Variants in TP63 observed in about 807,000 individuals in gnomAD.
The protein encoded by TP63 is tumor protein 63.
A neutral mutation model predicts 82.8 loss-of-function variants in TP63; 17 were observed. That is an observed-to-expected ratio of 0.21 (90% CI 0.14 to 0.31). TP63 has a LOEUF of 0.31. Ranked by LOEUF, TP63 falls within the 10% of genes least tolerant of loss-of-function variation. The pLI is 1.00. For missense variants in TP63, 648 were observed against 895.3 expected (o/e 0.72, Z 3.52); for synonymous variants, 330 against 321.7 (o/e 1.03, Z -0.28).
chr3:189,694,633 TA>T (rs1300427233), intron 1 of TP63, among the ~76,000 whole-genome samples: 1 of 151,948 alleles, frequency 6.6e-6, no homozygotes, highest in Non-Finnish European at 1.5e-5. Context: ...CAACACATTA[TA>T]TTAAGGGTAC....
intron 3 of TP63, among the ~76,000 whole-genome samples, chr3:189,780,421 G>A (rs1180817341): frequency 3.3e-5 from 5 of 152,116 alleles, no homozygotes; most frequent in African/African-American, 1.2e-4. Context: ...TGATCATTAG[G>A]TTCTTATCAA....
intron 1 of TP63, among the ~76,000 whole-genome samples, chr3:189,703,449 T>TAGATAGATAGATAGAC: frequency 6.6e-6 from 1 of 151,776 alleles, no homozygotes; most frequent in East Asian, 1.9e-4. Flanking sequence ...GATAGATAGA[T>TAGATAGATAGATAGAC]AGATAGATAG....
At chr3:189,728,953 G>T (rs1410099120) in intron 1 of TP63, among the ~76,000 whole-genome samples, 1 of 152,112 alleles carries the variant, frequency 6.6e-6, no homozygotes, top group Non-Finnish European at 1.5e-5. Flanking sequence ...TAAACAATTT[G>T]TAAGGAGGGT....
chr3:189,792,544 A>G (rs1297249956), intron 3 of TP63, among the ~76,000 whole-genome samples: 1 of 152,120 alleles, frequency 6.6e-6, no homozygotes, highest in Non-Finnish European at 1.5e-5. Flanking sequence ...GTTTTAGATG[A>G]TGAAGGAAAG....
At chr3:189,828,309 G>A (rs777005907) in intron 4 of TP63, among the ~76,000 whole-genome samples, 7 of 151,702 alleles carry the variant, frequency 4.6e-5, no homozygotes, top group Non-Finnish European at 1.0e-4. Flanking sequence ...GAAAGGAGGT[G>A]AGTGTGGGGT....
intron 1 of TP63, among the ~76,000 whole-genome samples, chr3:189,724,883 G>C (rs879621208): frequency 2.6e-5 from 4 of 152,174 alleles, no homozygotes; most frequent in Admixed American, 2.6e-4. Context: ...GTGGATGGGG[G>C]TACGGGAGAG....
intron 1 of TP63, among the ~76,000 whole-genome samples, chr3:189,634,140 A>G (rs1485510632): frequency 6.6e-6 from 1 of 151,974 alleles, no homozygotes; most frequent in African/African-American, 2.4e-5. Flanking sequence ...TAAGCAGACA[A>G]CCGTTGTAGT....
chr3:189,881,016 C>T, intron 10 of TP63: 8 of 985,348 alleles, frequency 8.1e-6, no homozygotes, highest in Non-Finnish European at 9.6e-6. Context: ...AGTAATATTG[C>T]CCTTACGTAG....
upstream of TP63, among the ~76,000 whole-genome samples, chr3:189,629,251 G>T (rs928785604): frequency 6.6e-6 from 1 of 151,988 alleles, no homozygotes; most frequent in Non-Finnish European, 1.5e-5. Flanking sequence ...GGGTATGGTT[G>T]TGCTCACCTG....
chr3:189,615,497 CTCTTTTCCTGCTTTGGCACAT>C, the TP63 span, among the ~76,000 whole-genome samples: 1 of 152,238 alleles, frequency 6.6e-6, no homozygotes, highest in South Asian at 2.1e-4. Flanking sequence ...TGTGTTTGGT[CTCTTTTCCTGCTTTGGCACAT>C]ACCACATTAA....
At position 189,708,521 on chromosome 3, in the gene TP63, C is replaced by T. The variant is rs1577279203; in HGVS notation, c.63-29219C>T. Among the ~76,000 whole-genome samples the T allele has an allele frequency of 3.3e-5, 5 of 152,184 alleles. No homozygotes were observed. In the East Asian group the frequency reaches 9.6e-4, roughly 29 times the overall value. On this transcript the variant is annotated intron_variant, in intron 1 of 13. Coordinates refer to ENST00000264731, the MANE Select transcript of TP63 (RefSeq NM_003722.5). Reference sequence around the variant, plus strand: ...AATTTCTGAGGAAAACCTCAAATGACATGTCCTTACTGAGAGATGGCATGC... The same window carrying T: ...AATTTCTGAGGAAAACCTCAAATGATATGTCCTTACTGAGAGATGGCATGC...
rs1426885203 is a variant in TP63, at chr3:189,896,837, A to G, written c.*2335A>G. On this transcript the variant is annotated 3_prime_UTR_variant, in exon 14 of 14. Transcript: ENST00000264731. Reference sequence around the variant, plus strand: ...GGTAAGGGGTAAAAGGATAGTAAGCATAGAAACCACTAGAAAGTGGGCTTA... The same window carrying G: ...GGTAAGGGGTAAAAGGATAGTAAGCGTAGAAACCACTAGAAAGTGGGCTTA... 9.4e-6 allele frequency: 2 copies of G among 213,088 alleles called. No individual in the cohort carries two copies. The highest frequency in any genetic ancestry group is 1.9e-5 in the Non-Finnish European group (2 of 105,204). The allele number at this position is 213,088 out of a possible 1,614,324, so 13.2% of individuals were successfully genotyped here. A position where few individuals can be genotyped will look rare whatever the true frequency, so the allele number is the denominator to read the frequency against.
intron 3 of TP63, among the ~76,000 whole-genome samples, chr3:189,759,273 T>C (rs2108535187): frequency 6.6e-6 from 1 of 152,290 alleles, no homozygotes; most frequent in South Asian, 2.1e-4. Context: ...AGAGTGGTGA[T>C]CTTTCTATAA....
the TP63 span, among the ~76,000 whole-genome samples, chr3:189,600,202 A>G: frequency 7.9e-5 from 12 of 152,122 alleles, no homozygotes; most frequent in Admixed American, 2.0e-4. Flanking sequence ...CAAATAACCT[A>G]CTCATCACTG....
At chr3:189,771,099 A>G (rs961765159) in intron 3 of TP63, among the ~76,000 whole-genome samples, 4 of 151,532 alleles carry the variant, frequency 2.6e-5, no homozygotes, top group African/African-American at 9.7e-5. Flanking sequence ...TGAACAGGTT[A>G]GTATGTATGA....
intron 4 of TP63, among the ~76,000 whole-genome samples, chr3:189,839,556 G>A (rs538425161): frequency 4.6e-5 from 7 of 152,106 alleles, no homozygotes; most frequent in African/African-American, 1.4e-4. Flanking sequence ...ACCCCAAAAC[G>A]TATCTTCTTA....
intron 1 of TP63, among the ~76,000 whole-genome samples, chr3:189,674,611 C>A (rs539245605): frequency 6.6e-6 from 1 of 152,244 alleles, no homozygotes; most frequent in South Asian, 2.1e-4. Context: ...TCCACAAGCT[C>A]CATGAATTGA....
chr3:189,659,642 T>G (rs1447938585), intron 1 of TP63, among the ~76,000 whole-genome samples: 1 of 152,102 alleles, frequency 6.6e-6, no homozygotes, highest in African/African-American at 2.4e-5. Context: ...TCCTAATTGC[T>G]TTGCACAGTG....
intron 1 of TP63, among the ~76,000 whole-genome samples, chr3:189,714,678 C>G (rs1718829987): frequency 6.6e-6 from 1 of 152,024 alleles, no homozygotes; most frequent in Non-Finnish European, 1.5e-5. Flanking sequence ...AAAATTCTCT[C>G]AAATATGAGA....
Sources: gnomAD v4.1 joint callset for allele counts (sites outside exome capture counted in the v4.1 genomes callset) on GRCh38, gnomAD v4.1.1 for gene constraint, MANE v1.5 for transcripts, NCBI Gene and HGNC (gene_info 2026-07-23, HGNC 2026-07-21) for gene names.